CCDC47: variants seen among roughly 807,000 people sequenced by gnomAD.
CCDC47 encodes the protein coiled-coil domain containing 47, also known as PAT complex subunit CCDC47.
Under a neutral mutation model 60.5 loss-of-function variants are expected in CCDC47, and 41 were observed. That is an observed-to-expected ratio of 0.68 (90% CI 0.53 to 0.88). The LOEUF (loss-of-function observed/expected upper bound fraction) is 0.88. CCDC47 is among the 40% of genes least tolerant of loss of function. The pLI is 0.00. For missense variants in CCDC47, 513 were observed against 580.9 expected (o/e 0.88, Z 1.20); for synonymous variants, 195 against 190.7 (o/e 1.02, Z -0.18).
At chr17:63,767,658 T>C (rs2039306734) in intron 1 of CCDC47, among the ~76,000 whole-genome samples, 1 of 152,126 alleles carries the variant, frequency 6.6e-6, no homozygotes, top group African/African-American at 2.4e-5. Context: ...AGTAAGATAG[T>C]AAATATTCTA....
intron 6 of CCDC47, among the ~76,000 whole-genome samples, chr17:63,759,452 G>A (rs1420102888): frequency 7.7e-6 from 1 of 130,370 alleles, no homozygotes; most frequent in African/African-American, 2.8e-5. Flanking sequence ...TCAAGCCATT[G>A]CACTCCAGCC....
intron 1 of CCDC47, among the ~76,000 whole-genome samples, chr17:63,771,761 C>G (rs2039343374): frequency 6.6e-6 from 1 of 152,106 alleles, no homozygotes; most frequent in Non-Finnish European, 1.5e-5. Context: ...ACAGCACATA[C>G]TTTGGTGAAA....
intron 4 of CCDC47, chr17:63,762,083 T>G: frequency 1.0e-6 from 1 of 984,668 alleles, no homozygotes; most frequent in Non-Finnish European, 1.2e-6. Context: ...CCAAGCTTTC[T>G]TTTCCAATGC....
chr17:63,766,549 G>A (rs1287336073), intron 1 of CCDC47, among the ~76,000 whole-genome samples: 2 of 151,976 alleles, frequency 1.3e-5, no homozygotes, highest in African/African-American at 2.4e-5. Flanking sequence ...TCAGCCTCCC[G>A]AGTAGCTGGG....
intron 12 of CCDC47, among the ~76,000 whole-genome samples, chr17:63,748,337 T>A (rs1017448047): frequency 6.6e-6 from 1 of 152,144 alleles, no homozygotes; most frequent in South Asian, 2.1e-4. Context: ...GGTGTTGAAC[T>A]CCTGACCTCA....
Position 63,752,357 on chromosome 17 carries a change from GAATA to G in CCDC47, c.1162_1165del (p.Tyr388LeufsTer25). On this transcript the variant is annotated frameshift_variant, in exon 11 of 13. Coordinates refer to ENST00000225726, the MANE Select transcript of CCDC47 (RefSeq NM_020198.3). LOFTEE classifies it high-confidence loss of function. ...TCGGAACTTTTTGGCTTTATCAATAGAATAAATCACCATGTTCATCAGGGGTAGC... is the reference window on the plus strand; with the variant it reads ...TCGGAACTTTTTGGCTTTATCAATAGAATCACCATGTTCATCAGGGGTAGC... The G allele has an allele frequency of 6.2e-7, 1 of 1,613,852 alleles. No homozygotes were observed. The highest frequency in any genetic ancestry group is 8.5e-7 in the Non-Finnish European group (1 of 1,179,816).
intron 12 of CCDC47, among the ~76,000 whole-genome samples, chr17:63,748,408 C>T (rs925712664): frequency 2.0e-5 from 3 of 151,876 alleles, no homozygotes; most frequent in Non-Finnish European, 2.9e-5. Flanking sequence ...CCACCGCGCC[C>T]GGCCTATCTT....
chr17:63,750,027 T>G (rs2039151050), intron 12 of CCDC47, among the ~76,000 whole-genome samples: 2 of 152,118 alleles, frequency 1.3e-5, no homozygotes, highest in South Asian at 4.2e-4. Context: ...GGGGGTTGGG[T>G]GGGTTGTTCT....
chr17:63,751,454 C>T (rs189787176), intron 12 of CCDC47, among the ~76,000 whole-genome samples: 154 of 144,836 alleles, frequency 1.1e-3, no homozygotes, highest in African/African-American at 3.5e-3. Context: ...CAGATCATAC[C>T]GAGCTTTCAA....
intron 6 of CCDC47, among the ~76,000 whole-genome samples, chr17:63,759,578 AAACAATGATTTTCAATCCAAT>A (rs1193026804): frequency 1.7e-4 from 18 of 104,912 alleles, no homozygotes; most frequent in Admixed American, 1.3e-3. Context: ...TATATATATA[AAACAATGATTTTCAATCCAAT>A]AACATTTGAA....
At chr17:63,759,788 G>A (rs532519269) in intron 6 of CCDC47, among the ~76,000 whole-genome samples, 11 of 151,042 alleles carry the variant, frequency 7.3e-5, no homozygotes, top group Non-Finnish European at 1.3e-4. Context: ...TGAAGAGGCC[G>A]GGTGCAGTGG....
chr17:63,756,181 A>T, intron 8 of CCDC47, 59 bp downstream of exon 8: 1 of 1,102,482 alleles, frequency 9.1e-7, no homozygotes, highest in Non-Finnish European at 1.4e-6. Context: ...TGAGACTTTT[A>T]GGGAGAGTGT....
intron 3 of CCDC47, 115 bp downstream of exon 3, chr17:63,764,625 C>T (rs2039284311): frequency 1.2e-6 from 1 of 853,520 alleles, no homozygotes; most frequent in African/African-American, 1.8e-5. Flanking sequence ...TGTCAAGCTC[C>T]TTCTCAGCTC....
chr17:63,761,046 G>A (rs2039255343), intron 5 of CCDC47, 67 bp from the exon 6 acceptor site: 10 of 1,450,908 alleles, frequency 6.9e-6, no homozygotes, highest in Non-Finnish European at 8.7e-6. Context: ...AAAAGGCCTT[G>A]AAGGAGAATC....
In CCDC47 at chr17:63,761,084, C is replaced by T. The variant is rs1598309328; in HGVS notation, c.670-105G>A. On this transcript the variant is annotated intron_variant, in intron 5 of 12. Coordinates refer to ENST00000225726, the MANE Select transcript of CCDC47 (RefSeq NM_020198.3). ...ATGCTTCATCAAATATACTTTACGA[C>T]ACATTTGCCAGTTAGTATAAATATC... The T allele has an allele frequency of 2.2e-6, 3 of 1,378,028 alleles. No individual in the cohort carries two copies. In the Admixed American group the frequency reaches 5.4e-5, roughly 25 times the overall value. 85.4% of individuals were successfully genotyped at this position (1,378,028 alleles called of 1,614,324 possible).
At chr17:63,755,099 T>A (rs1264084796) in intron 8 of CCDC47, among the ~76,000 whole-genome samples, 1 of 151,884 alleles carries the variant, frequency 6.6e-6, no homozygotes, top group East Asian at 1.9e-4. Flanking sequence ...GCCTCCTGAG[T>A]AGCTGGGACT....
chr17:63,757,079 G>A (rs1205314984), intron 6 of CCDC47, among the ~76,000 whole-genome samples: 3 of 151,576 alleles, frequency 2.0e-5, no homozygotes, highest in Non-Finnish European at 2.9e-5. Context: ...AGAAAGAAAA[G>A]GCCAGGCATG....
chr17:63,762,072 A>T, intron 4 of CCDC47: 1 of 983,620 alleles, frequency 1.0e-6, no homozygotes, highest in Non-Finnish European at 1.2e-6. Context: ...ATTAACTTTA[A>T]CCAAGCTTTC....
intron 4 of CCDC47, among the ~76,000 whole-genome samples, 156 bp downstream of exon 4, chr17:63,763,860 A>T (rs550198531): frequency 4.9e-4 from 69 of 141,952 alleles, no homozygotes; most frequent in East Asian, 3.7e-3. Context: ...AAATTAAATT[A>T]AAAAAAAAAA....
Sources: gnomAD v4.1 joint callset for allele counts (sites outside exome capture counted in the v4.1 genomes callset) on GRCh38, gnomAD v4.1.1 for gene constraint, MANE v1.5 for transcripts, NCBI Gene and HGNC (gene_info 2026-07-23, HGNC 2026-07-21) for gene names.